The following VPS13B variants were observed in gnomAD, a reference collection of about 807,000 sequenced individuals.
VPS13B encodes vacuolar protein sorting 13 homolog B.
Under a neutral mutation model 426.4 loss-of-function variants are expected in VPS13B, and 285 were observed. The observed-to-expected ratio is 0.67, with a 90% CI of 0.61 to 0.74. The LOEUF is 0.74. VPS13B is among the 30% of genes least tolerant of loss of function. The pLI, the probability that VPS13B is intolerant of heterozygous loss-of-function variation, is 0.00. For missense variants in VPS13B, 4,537 were observed against 4,782.6 expected, an observed-to-expected ratio of 0.95 and a Z score of 1.51; for synonymous variants, 1,676 against 1,676.4, an observed-to-expected ratio of 1.00 and a Z score of 0.01.
chr8:99,481,478 T>G, intron 24 of VPS13B, 121 bp from the exon 25 acceptor site: 1 of 1,103,570 alleles, frequency 9.1e-7, no homozygotes, highest in Non-Finnish European at 1.4e-6. Flanking sequence ...GATGCATTGG[T>G]AGAGTTTGTT....
intron 30 of VPS13B, 83 bp from the exon 31 acceptor site, chr8:99,556,367 A>C: frequency 7.0e-7 from 1 of 1,422,404 alleles, no homozygotes; most frequent in Admixed American, 1.9e-5. Flanking sequence ...TATTGACACT[A>C]TGTTAGTGAA....
intron 3 of VPS13B, among the ~76,000 whole-genome samples, chr8:99,088,572 A>T (rs560817892): frequency 1.3e-5 from 2 of 152,182 alleles, no homozygotes; most frequent in African/African-American, 2.4e-5. Context: ...ACATAAAAAA[A>T]TTTTTTCTCA....
chr8:99,182,893 T>G lies in VPS13B; in HGVS notation c.2334-9983T>G, dbSNP rs200956087. ...CTGGGATTACAGGAACCCACCCCCA[T>G]GTCTGGCTAATTTTTGTATTTTTAG... On this transcript the variant is annotated intron_variant, in intron 16 of 61. Transcript: ENST00000357162. 8.5e-5 allele frequency among the ~76,000 whole-genome samples: 13 copies of G among 152,228 alleles called. No homozygotes were observed. The East Asian group carries it at 2.5e-3, about 29-fold the overall frequency.
chr8:99,588,541 T>C (rs1826430482), intron 33 of VPS13B, among the ~76,000 whole-genome samples: 1 of 151,712 alleles, frequency 6.6e-6, no homozygotes, highest in South Asian at 2.1e-4. Context: ...AGATCCTTTG[T>C]ATGTTGTATT....
At chr8:99,739,742 C>G (rs917986369) in intron 39 of VPS13B, among the ~76,000 whole-genome samples, 4 of 152,234 alleles carry the variant, frequency 2.6e-5, no homozygotes, top group Non-Finnish European at 5.9e-5. Flanking sequence ...CAAACTCCAA[C>G]AGACCTGCAG....
At chr8:99,792,190 GCAGT>G (rs1429877079) in intron 43 of VPS13B, among the ~76,000 whole-genome samples, 1 of 152,074 alleles carries the variant, frequency 6.6e-6, no homozygotes, top group African/African-American at 2.4e-5. Flanking sequence ...ACTCTTTGGA[GCAGT>G]CATAAGAGAA....
chr8:99,740,775 A>G (rs539493551), intron 39 of VPS13B, among the ~76,000 whole-genome samples: 1 of 152,324 alleles, frequency 6.6e-6, no homozygotes, highest in African/African-American at 2.4e-5. Flanking sequence ...GCAAATGCTG[A>G]GAGATTTTGT....
chr8:99,657,616 G>A (rs910682052), intron 34 of VPS13B, among the ~76,000 whole-genome samples: 3 of 151,850 alleles, frequency 2.0e-5, no homozygotes, highest in African/African-American at 7.3e-5. Context: ...CACCATTCTC[G>A]TTATCAGTAG....
intron 30 of VPS13B, among the ~76,000 whole-genome samples, chr8:99,550,756 A>G (rs1824240853): frequency 6.6e-6 from 1 of 152,028 alleles, no homozygotes; most frequent in South Asian, 2.1e-4. Context: ...ATTTGCTTTT[A>G]AGTATTAACT....
intron 19 of VPS13B, among the ~76,000 whole-genome samples, chr8:99,338,270 T>C (rs189829429): frequency 6.6e-6 from 1 of 152,270 alleles, no homozygotes; most frequent in Non-Finnish European, 1.5e-5. Flanking sequence ...ATTGAATTTG[T>C]AGATAATCTT....
At chr8:99,577,130 G>C (rs1293190017) in intron 32 of VPS13B, among the ~76,000 whole-genome samples, 2 of 152,010 alleles carry the variant, frequency 1.3e-5, no homozygotes, top group Non-Finnish European at 2.9e-5. Context: ...AATATTAGTT[G>C]GTTTGAATTC....
intron 23 of VPS13B, among the ~76,000 whole-genome samples, chr8:99,449,269 C>T (rs932750153): frequency 6.6e-6 from 1 of 152,030 alleles, no homozygotes; most frequent in African/African-American, 2.4e-5. Context: ...GCTTAGATGT[C>T]AATATACATT....
At chr8:99,490,280 G>C (rs544251039) in intron 25 of VPS13B, among the ~76,000 whole-genome samples, 1 of 152,084 alleles carries the variant, frequency 6.6e-6, no homozygotes, top group Non-Finnish European at 1.5e-5. Context: ...AAGCTTTTTG[G>C]TGTGCTGCTG....
intron 25 of VPS13B, among the ~76,000 whole-genome samples, chr8:99,493,780 T>TAAAAAAAAAAAAAAAAAAAAACAAAAA (rs376555643): frequency 1.6e-5 from 1 of 61,166 alleles, no homozygotes; most frequent in Non-Finnish European, 3.2e-5. Context: ...AGACTCTATC[T>TAAAAAAAAAAAAAAAAAAAAACAAAAA]AAAAAAAAAA....
intron 43 of VPS13B, chr8:99,797,030 T>A (rs1563921356): frequency 6.6e-6 from 1 of 152,146 alleles, no homozygotes; most frequent in East Asian, 1.9e-4. Flanking sequence ...TGCAGAGAAT[T>A]TGTGGCCATT....
chr8:99,145,946 A>G (rs1588085928), intron 13 of VPS13B, among the ~76,000 whole-genome samples: 1 of 152,210 alleles, frequency 6.6e-6, no homozygotes, highest in East Asian at 1.9e-4. Flanking sequence ...CAGCTTCTTT[A>G]CATCTTCCCA....
intron 19 of VPS13B, among the ~76,000 whole-genome samples, chr8:99,298,819 T>G (rs904859604): frequency 6.6e-6 from 1 of 152,212 alleles, no homozygotes; most frequent in Non-Finnish European, 1.5e-5. Context: ...TTTTCATTTG[T>G]AAAATTTATT....
chr8:99,649,832 A>G (rs1478335950), intron 34 of VPS13B, among the ~76,000 whole-genome samples: 4 of 152,214 alleles, frequency 2.6e-5, no homozygotes, highest in Non-Finnish European at 5.9e-5. Context: ...GTGCACCACA[A>G]TATAGGGCTC....
chr8:99,218,065 T>A (rs1220203282), intron 17 of VPS13B, among the ~76,000 whole-genome samples: 2 of 152,146 alleles, frequency 1.3e-5, no homozygotes, highest in Non-Finnish European at 2.9e-5. Context: ...CTTGAGATTG[T>A]TTTTAGGGGA....
Sources: gnomAD v4.1 joint callset for allele counts (sites outside exome capture counted in the v4.1 genomes callset) on GRCh38, gnomAD v4.1.1 for gene constraint, MANE v1.5 for transcripts, NCBI Gene and HGNC (gene_info 2026-07-23, HGNC 2026-07-21) for gene names.